The following FHIT variants were observed in gnomAD, a reference collection of about 807,000 sequenced individuals.
FHIT encodes the protein fragile histidine triad diadenosine triphosphatase, also known as bis(5'-adenosyl)-triphosphatase.
In FHIT, 19 loss-of-function variants were observed where a neutral mutation model predicts 17.9. That is an observed-to-expected ratio of 1.06 (90% CI 0.74 to 1.56). The LOEUF (loss-of-function observed/expected upper bound fraction) is 1.56, where lower values mean the gene tolerates loss of function less well. FHIT is among the 40% of genes most tolerant of loss of function. The pLI is 0.00. For missense variants in FHIT, 248 were observed against 189.2 expected (o/e 1.31, Z -1.82); for synonymous variants, 81 against 69.7 (o/e 1.16, Z -0.81).
At chr3:60,958,249 T>TAGAATAA (rs1709263492) in intron 3 of FHIT, among the ~76,000 whole-genome samples, 1 of 152,180 alleles carries the variant, frequency 6.6e-6, no homozygotes, top group Admixed American at 6.5e-5. Flanking sequence ...TAAATATACC[T>TAGAATAA]GGTATAGAAT....
chr3:60,860,969 CATGTATATATGATACATATATA>C (rs1559780871), intron 3 of FHIT, among the ~76,000 whole-genome samples: 12 of 98,716 alleles, frequency 1.2e-4, no homozygotes, highest in African/African-American at 3.3e-4. Context: ...ACGTATATAT[CATGTATATATGATACATATATA>C]CGTATATATC....
At chr3:61,150,042 CT>C (rs1290772906) in intron 2 of FHIT, among the ~76,000 whole-genome samples, 9 of 152,158 alleles carry the variant, frequency 5.9e-5, no homozygotes, top group Non-Finnish European at 1.2e-4. Context: ...GGCACTGCCC[CT>C]GTCCTTTTCT....
At chr3:61,207,730 T>C (rs1188317705) in intron 1 of FHIT, among the ~76,000 whole-genome samples, 2 of 152,234 alleles carry the variant, frequency 1.3e-5, no homozygotes, top group African/African-American at 4.8e-5. Context: ...TTAGTCTTGC[T>C]AGAGGTCTAT....
chr3:60,398,039 G>A (rs1701518510), intron 5 of FHIT, among the ~76,000 whole-genome samples: 1 of 152,074 alleles, frequency 6.6e-6, no homozygotes. Flanking sequence ...TTTGCTGAGA[G>A]CTTTCTTTTC....
At chr3:60,969,442 T>G (rs1003876450) in intron 3 of FHIT, among the ~76,000 whole-genome samples, 1 of 152,152 alleles carries the variant, frequency 6.6e-6, no homozygotes, top group Non-Finnish European at 1.5e-5. Context: ...GATTACTAGA[T>G]TACTAATTTT....
chr3:60,694,157 A>T (rs974725330), intron 4 of FHIT, among the ~76,000 whole-genome samples: 1 of 152,234 alleles, frequency 6.6e-6, no homozygotes, highest in African/African-American at 2.4e-5. Context: ...AACACCATAA[A>T]AACATGGGTA....
intron 2 of FHIT, among the ~76,000 whole-genome samples, chr3:61,168,846 G>C (rs1467862751): frequency 6.6e-6 from 1 of 152,184 alleles, no homozygotes; most frequent in Non-Finnish European, 1.5e-5. Context: ...TACAGGGAAA[G>C]GTATTTCTTT....
In FHIT at chr3:60,882,513, T is replaced by G. The variant is rs560688665; in HGVS notation, c.-110-60502A>C. On this transcript the variant is annotated intron_variant, in intron 3 of 9. Transcript: ENST00000492590. Reference sequence around the variant, plus strand: ...ATCCAGCATCACATTAAAAAGAACATTCACCATGATCAAGTGGGATTTATC... The same window carrying G: ...ATCCAGCATCACATTAAAAAGAACAGTCACCATGATCAAGTGGGATTTATC... 1.4e-4 allele frequency among the ~76,000 whole-genome samples: 21 copies of G among 152,204 alleles called. 1 individual carries two copies. The highest frequency in any genetic ancestry group is 5.9e-4 in the Admixed American group (9 of 15,292).
chr3:60,823,357 A>C (rs1334551970), intron 3 of FHIT, among the ~76,000 whole-genome samples: 2 of 152,156 alleles, frequency 1.3e-5, no homozygotes, highest in African/African-American at 4.8e-5. Context: ...CAGTACTTAG[A>C]ATGTGACCTT....
chr3:61,025,998 T>G (rs1314897859), intron 3 of FHIT, among the ~76,000 whole-genome samples: 1 of 152,278 alleles, frequency 6.6e-6, no homozygotes, highest in Non-Finnish European at 1.5e-5. Flanking sequence ...GCACAAAAAT[T>G]TATTGGTACA....
At chr3:60,686,658 G>T in intron 4 of FHIT, among the ~76,000 whole-genome samples, 1 of 152,122 alleles carries the variant, frequency 6.6e-6, no homozygotes. Context: ...GTCAGCCAGA[G>T]ATTTGAGCAG....
intron 7 of FHIT, among the ~76,000 whole-genome samples, chr3:60,002,266 T>A (rs1699757804): frequency 6.6e-6 from 1 of 152,166 alleles, no homozygotes; most frequent in Non-Finnish European, 1.5e-5. Flanking sequence ...AAGCCTAGAA[T>A]TTCAAACCAC....
intron 8 of FHIT, among the ~76,000 whole-genome samples, chr3:59,794,835 G>C (rs1046403957): frequency 6.6e-6 from 1 of 152,144 alleles, no homozygotes; most frequent in Non-Finnish European, 1.5e-5. Flanking sequence ...AGTCACATTT[G>C]TTCCATTTGA....
intron 1 of FHIT, among the ~76,000 whole-genome samples, chr3:61,232,315 A>ATCCC (rs2040126065): frequency 1.3e-5 from 2 of 152,214 alleles, no homozygotes; most frequent in Non-Finnish European, 2.9e-5. Context: ...TGAACCAGGG[A>ATCCC]GGTGGAGGTT....
At chr3:60,195,496 G>A (rs79666392) in intron 5 of FHIT, among the ~76,000 whole-genome samples, 4,880 of 144,914 alleles carry the variant, frequency 0.034, 110 homozygotes, top group Middle Eastern at 0.11. Context: ...TTGAAAAGAC[G>A]TGGAACCAAC....
intron 1 of FHIT, among the ~76,000 whole-genome samples, chr3:61,211,498 C>A (rs2039472386): frequency 6.6e-6 from 1 of 152,218 alleles, no homozygotes; most frequent in Admixed American, 6.5e-5. Context: ...ACAAAGCTGC[C>A]AGGAAGCATG....
At chr3:59,885,161 A>G (rs978324331) in intron 8 of FHIT, among the ~76,000 whole-genome samples, 4 of 152,216 alleles carry the variant, frequency 2.6e-5, no homozygotes, top group Admixed American at 2.0e-4. Flanking sequence ...TGCTATTAGG[A>G]TCATTTGGTA....
At chr3:60,860,400 T>TGACATACATCATATGTATAC (rs1559778866) in intron 3 of FHIT, among the ~76,000 whole-genome samples, 3,372 of 63,768 alleles carry the variant, frequency 0.053, 682 homozygotes, top group Middle Eastern at 0.079. Flanking sequence ...CATATGTATA[T>TGACATACATCATATGTATAC]ATGACATACA....
At chr3:59,997,853 T>C (rs1310471422) in intron 7 of FHIT, among the ~76,000 whole-genome samples, 3 of 152,082 alleles carry the variant, frequency 2.0e-5, no homozygotes, top group Non-Finnish European at 4.4e-5. Context: ...GACAGTGGGG[T>C]GATAAATATA....
Sources: gnomAD v4.1 joint callset for allele counts (sites outside exome capture counted in the v4.1 genomes callset) on GRCh38, gnomAD v4.1.1 for gene constraint, MANE v1.5 for transcripts, NCBI Gene and HGNC (gene_info 2026-07-23, HGNC 2026-07-21) for gene names.